TMIGD3: variants seen among roughly 807,000 people sequenced by gnomAD.
TMIGD3 encodes the protein AD026 protein (AD026).
TMIGD3 carries 21 observed loss-of-function variants against 28.1 expected under a neutral mutation model. The ratio of observed to expected loss-of-function variants is 0.75; its 90% CI spans 0.53 to 1.08. The LOEUF (loss-of-function observed/expected upper bound fraction) is 1.08, where lower values mean the gene tolerates loss of function less well. TMIGD3 is among the 50% of genes least tolerant of loss of function. The pLI, the probability that TMIGD3 is intolerant of heterozygous loss-of-function variation, is 0.00. For synonymous variants in TMIGD3, 151 were observed against 162.1 expected, an observed-to-expected ratio of 0.93 and a Z score of 0.52; for missense variants, 416 against 435.6, an observed-to-expected ratio of 0.96 and a Z score of 0.40.
chr1:111,530,321 T>C (rs1290097656), intron 1 of TMIGD3, among the ~76,000 whole-genome samples: 2 of 152,202 alleles, frequency 1.3e-5, no homozygotes, highest in Non-Finnish European at 2.9e-5. Flanking sequence ...TATAATGTTA[T>C]TGTTTTTGTT....
intron 3 of TMIGD3, among the ~76,000 whole-genome samples, chr1:111,487,205 G>A (rs1654421411): frequency 1.3e-5 from 2 of 152,224 alleles, no homozygotes; most frequent in East Asian, 1.9e-4. Context: ...GTACGTTCAG[G>A]TGGGAACGTT....
At chr1:111,533,389 A>G (rs1656518660) in intron 1 of TMIGD3, among the ~76,000 whole-genome samples, 1 of 152,258 alleles carries the variant, frequency 6.6e-6, no homozygotes, top group Admixed American at 6.5e-5. Flanking sequence ...GTAATAAAAT[A>G]GTTTAAGAAT....
chr1:111,503,172 A>C lies in TMIGD3; in HGVS notation c.183T>G (p.Val61=). ...TGGCCAAAGGCATGACCAGCACCCC[A>C]ACAGCAATGTCAGCCAGGGCTAGAG... ...IVSLALADIA[V]GVLVMPLAIV... Residue 61 remains valine (V), a synonymous_variant, in exon 1 of 6, where the codon GTT becomes GTG. Coordinates refer to ENST00000369716, the MANE Select transcript of TMIGD3 (RefSeq NM_020683.7). 1 of 1,614,254 alleles carries C rather than the reference A, an allele frequency of 6.2e-7. No homozygotes were observed. Among genetic ancestry groups the C allele is most frequent in the South Asian group, 1.1e-5 (1 of 91,088 alleles).
chr1:111,544,515 G>A (rs1477266739), intron 1 of TMIGD3, among the ~76,000 whole-genome samples: 2 of 152,060 alleles, frequency 1.3e-5, no homozygotes, highest in Non-Finnish European at 2.9e-5. Context: ...GTTCATCCAT[G>A]TTGTAACATG....
intron 1 of TMIGD3, among the ~76,000 whole-genome samples, chr1:111,557,111 TAGAA>T (rs201423616): frequency 0.019 from 2,926 of 152,248 alleles, 51 homozygotes; most frequent in Non-Finnish European, 0.025. Flanking sequence ...TAAGACTAGT[TAGAA>T]AGATATTACC....
chr1:111,484,291 C>A (rs771080653), intron 5 of TMIGD3, among the ~76,000 whole-genome samples: 1 of 152,144 alleles, frequency 6.6e-6, no homozygotes, highest in African/African-American at 2.4e-5. Flanking sequence ...ATCTTTGTAT[C>A]CCCAGCATCT....
chr1:111,531,887 A>T (rs1656469955), intron 1 of TMIGD3, among the ~76,000 whole-genome samples: 1 of 152,082 alleles, frequency 6.6e-6, no homozygotes, highest in South Asian at 2.1e-4. Flanking sequence ...TTTGGAACAT[A>T]GTTATGTTAC....
Position 111,489,042 on chromosome 1 carries a change from C to A in TMIGD3, c.458-18G>T. ...CATGGCATCTGTGAAAACACACACACACACGCACACGTGCACACACACACA... is the reference window on the plus strand; with the variant it reads ...CATGGCATCTGTGAAAACACACACAAACACGCACACGTGCACACACACACA... On this transcript the variant is annotated intron_variant, in intron 2 of 5. Transcript: ENST00000369716. 1 of 1,584,564 alleles carries A rather than the reference C, an allele frequency of 6.3e-7. No individual in the cohort carries two copies. The highest frequency in any genetic ancestry group is 8.6e-7 in the Non-Finnish European group (1 of 1,159,090).
At position 111,500,271 on chromosome 1, in the gene TMIGD3, T is replaced by C. The variant is rs549356601; in HGVS notation, c.350+2734A>G. ...ATGCACCTGTCTCTTTGGAGTTAGA[T>C]AAGTTCAGACTGAGTTTGTTCCGAA... On this transcript the variant is annotated intron_variant, in intron 1 of 5. Coordinates refer to ENST00000369716, the MANE Select transcript of TMIGD3 (RefSeq NM_020683.7). 7.4e-6 allele frequency: 12 copies of C among 1,614,200 alleles called. No homozygotes were observed. In the African/African-American group the frequency reaches 1.1e-4, roughly 14 times the overall value.
In TMIGD3 at chr1:111,488,792, C is replaced by T. The variant is rs894360789; in HGVS notation, c.690G>A (p.Thr230=). 10 of 1,614,054 alleles carry T rather than the reference C, an allele frequency of 6.2e-6. No individual in the cohort carries two copies. The highest frequency in any genetic ancestry group is 2.2e-5 in the East Asian group (1 of 44,898). ...GCTGGATGCCACACCAGTACCAGCC[C>T]GTGTCCTCTTTGGTCAGGCAGGACA... ...VTMSCLTKED[T]GWYWCGIQRD... The change falls in exon 3 of 6, where the codon ACG becomes ACA. Residue 230 remains threonine, a synonymous_variant. Coordinates refer to ENST00000369716, the MANE Select transcript of TMIGD3 (RefSeq NM_020683.7).
At chr1:111,509,608 T>C (rs1208530050) in intron 1 of TMIGD3, among the ~76,000 whole-genome samples, 2 of 152,224 alleles carry the variant, frequency 1.3e-5, no homozygotes, top group African/African-American at 4.8e-5. Context: ...TTTAACCTGC[T>C]ACCTACCAAA....
rs763336527 is a variant in TMIGD3 at position 111,488,875 on chromosome 1, G to A, written c.607C>T (p.Pro203Ser). The A allele has an allele frequency of 1.9e-6, 3 of 1,614,106 alleles. No homozygotes were observed. Among genetic ancestry groups the A allele is most frequent in the Non-Finnish European group, 2.5e-6 (3 of 1,180,052 alleles). ...RDYCNIIAFS[P>S]NSTNHVALRD... ...AGGGCCACATGATTGGTGCTGTTAG[G>A]GGAGAAGGCGATGATGTTGCAGTAG... Residue 203 changes from proline (P) to serine (S), a missense_variant, in exon 3 of 6, where the codon CCT (proline) becomes TCT (serine). Transcript: ENST00000369716.
At chr1:111,544,304 C>A (rs1656957347) in intron 1 of TMIGD3, among the ~76,000 whole-genome samples, 1 of 152,152 alleles carries the variant, frequency 6.6e-6, no homozygotes, top group Admixed American at 6.6e-5. Context: ...TTAGTATATT[C>A]ACAATGTTGT....
chr1:111,533,756 C>T (rs926703442), intron 1 of TMIGD3, among the ~76,000 whole-genome samples: 7 of 152,200 alleles, frequency 4.6e-5, no homozygotes, highest in African/African-American at 7.2e-5. Context: ...AGTTTCTCCA[C>T]GTTGCCCAGG....
Position 111,483,721 on chromosome 1 carries a change from G to A in TMIGD3, c.1010C>T (p.Thr337Ile). ...TTCAGTAGGAGCCATTTCCTTTGGA[G>A]TCAGGACACGCGAGAAGGGCTTCAA... ...NTLKPFSRVLTPKEMAPTEQM is the reference protein window; with the variant it reads ...NTLKPFSRVLIPKEMAPTEQM The change falls in exon 6 of 6, where the codon ACT becomes ATT. Residue 337 changes from threonine to isoleucine, a missense_variant. Coordinates refer to ENST00000369716, the MANE Select transcript of TMIGD3 (RefSeq NM_020683.7). 2 of 1,614,094 alleles carry A rather than the reference G, an allele frequency of 1.2e-6. No individual in the cohort carries two copies. The highest frequency in any genetic ancestry group is 1.7e-5 in the Admixed American group (1 of 60,028).
At chr1:111,504,787 GCT>G, upstream of TMIGD3, 1 of 865,206 alleles carries the variant, frequency 1.2e-6, no homozygotes, top group Non-Finnish European at 1.4e-6. Flanking sequence ...TAGTTGATCT[GCT>G]CTGGCATCAT....
intron 1 of TMIGD3, among the ~76,000 whole-genome samples, chr1:111,529,372 CT>C (rs1256634109): frequency 7.5e-6 from 1 of 133,810 alleles, no homozygotes; most frequent in Non-Finnish European, 1.7e-5. Context: ...TTCTTTCTTT[CT>C]TTCTTTTTTT....
chr1:111,508,922 C>T (rs1655601952), intron 1 of TMIGD3, among the ~76,000 whole-genome samples: 1 of 152,194 alleles, frequency 6.6e-6, no homozygotes, highest in African/African-American at 2.4e-5. Context: ...TGGTGAAACC[C>T]CGTCTCGACT....
chr1:111,561,393 A>G (rs2101047796), intron 1 of TMIGD3, among the ~76,000 whole-genome samples: 1 of 152,322 alleles, frequency 6.6e-6, no homozygotes, highest in South Asian at 2.1e-4. Context: ...CAGTGCTGGG[A>G]TTACAGGCGT....
Sources: allele counts gnomAD v4.1 joint callset (sites outside exome capture counted in the v4.1 genomes callset), GRCh38; gene constraint gnomAD v4.1.1; transcripts MANE v1.5; gene names NCBI Gene and HGNC (gene_info 2026-07-23, HGNC 2026-07-21).